The following HSF2BP variants were observed in gnomAD, a reference collection of about 807,000 sequenced individuals.
HSF2BP encodes heat shock transcription factor 2 binding protein.
A neutral mutation model predicts 35.0 loss-of-function variants in HSF2BP; 35 were observed. That is an observed-to-expected ratio of 1.00 (90% confidence interval 0.76 to 1.32). The LOEUF is 1.32. Ranked by LOEUF, HSF2BP falls within the 40% of genes most tolerant of loss-of-function variation. HSF2BP has a pLI of 0.00. For missense variants in HSF2BP, 326 were observed against 321.7 expected (o/e 1.01, Z -0.10); for synonymous variants, 114 against 117.4 (o/e 0.97, Z 0.18).
chr21:43,658,274 G>A lies in HSF2BP; in HGVS notation c.-178C>T, dbSNP rs2082908979. ...GAGAGCGAGGAGTGGCCTTGGCGAGGTCCCTCTTTGGCTCTTCTGGCTTAG... is the reference window on the plus strand; with the variant it reads ...GAGAGCGAGGAGTGGCCTTGGCGAGATCCCTCTTTGGCTCTTCTGGCTTAG... On this transcript the variant is annotated 5_prime_UTR_variant, in exon 2 of 9. Transcript: ENST00000291560. 1 of 687,120 alleles carries A rather than the reference G, an allele frequency of 1.5e-6. No homozygotes were observed. The highest frequency in any genetic ancestry group is 3.3e-5 in the Admixed American group (1 of 29,912). 42.6% of individuals were successfully genotyped at this position (687,120 alleles called of 1,614,324 possible).
At position 43,621,809 on chromosome 21, in the gene HSF2BP, A is replaced by C. The variant is rs990976502; in HGVS notation, c.575-7862T>G. Among the ~76,000 whole-genome samples the C allele has an allele frequency of 3.9e-5, 6 of 151,982 alleles. No individual in the cohort carries two copies. The South Asian group carries it at 6.2e-4, about 16-fold the overall frequency. ...AAATTGAGGGTATAAAACCCACTGG[A>C]AAAAGAAATACTTAAATAATATATA... On this transcript the variant is annotated intron_variant, in intron 6 of 8. Coordinates refer to ENST00000291560, the MANE Select transcript of HSF2BP (RefSeq NM_007031.2).
chr21:43,618,746 C>G (rs1238452848), intron 6 of HSF2BP, among the ~76,000 whole-genome samples: 1 of 150,196 alleles, frequency 6.7e-6, no homozygotes, highest in African/African-American at 2.5e-5. Context: ...ACCATCCTGG[C>G]TAGTATGGTG....
rs1012700556 is a variant in HSF2BP at position 43,597,526 on chromosome 21, C to CT, written c.693-5199dup. Among the ~76,000 whole-genome samples the CT allele has an allele frequency of 3.6e-4, 54 of 151,864 alleles. No individual in the cohort carries two copies. The highest frequency in any genetic ancestry group is 6.3e-4 in the Non-Finnish European group (43 of 67,980). On this transcript the variant is annotated intron_variant, in intron 7 of 8. Coordinates refer to ENST00000291560, the MANE Select transcript of HSF2BP (RefSeq NM_007031.2). This position sits in a 1 kb window ranked among gnomAD's most constrained non-coding sequence, Gnocchi z 4.3. ...TAATAAGCAAAACTTTAATTTTTTACTTTTTTTTCCTAGAGCTAGGGTCTC... is the reference window on the plus strand; with the variant it reads ...TAATAAGCAAAACTTTAATTTTTTACTTTTTTTTTCCTAGAGCTAGGGTCTC...
At chr21:43,596,904 A>AAAGAGAG (rs1555859800) in intron 7 of HSF2BP, among the ~76,000 whole-genome samples, 2 of 136,014 alleles carry the variant, frequency 1.5e-5, no homozygotes, top group African/African-American at 5.6e-5. Flanking sequence ...AAAAAAAAAA[A>AAAGAGAG]AGAGAATTTT....
intron 1 of HSF2BP, among the ~76,000 whole-genome samples, chr21:43,658,872 G>T (rs1332469075): frequency 6.6e-6 from 1 of 152,238 alleles, no homozygotes; most frequent in Non-Finnish European, 1.5e-5. Flanking sequence ...CGCTCAACAG[G>T]CCCCAGTGCC....
chr21:43,615,845 T>G (rs1271408218), intron 6 of HSF2BP, among the ~76,000 whole-genome samples: 1 of 152,064 alleles, frequency 6.6e-6, no homozygotes, highest in African/African-American at 2.4e-5. Context: ...GAAAGCATTA[T>G]TCATGTAAAT....
At position 43,592,394 on chromosome 21, in the gene HSF2BP, T is replaced by C. The variant is rs1027491285; in HGVS notation, c.693-66A>G. ...CACTACATTTCACCCTAAACATACC[T>C]ACTAGTTAAGAGGAACTTAACGTAT... is the stretch of plus-strand genomic sequence containing the variant. On this transcript the variant is annotated intron_variant, in intron 7 of 8. Transcript: ENST00000291560. 14 of 1,032,092 alleles carry C rather than the reference T, an allele frequency of 1.4e-5. No homozygotes were observed. In the South Asian group the frequency reaches 1.8e-4, roughly 13 times the overall value. The allele number at this position is 1,032,092 out of a possible 1,614,324, so 63.9% of individuals were successfully genotyped here.
At chr21:43,587,054 C>T (rs2081860368) in intron 8 of HSF2BP, among the ~76,000 whole-genome samples, 1 of 152,166 alleles carries the variant, frequency 6.6e-6, no homozygotes, top group African/African-American at 2.4e-5. Flanking sequence ...ATTCTAGATT[C>T]TGAAAACAGT....
chr21:43,632,368 A>T (rs2082487909), intron 5 of HSF2BP, among the ~76,000 whole-genome samples: 1 of 49,912 alleles, frequency 2.0e-5, no homozygotes, highest in Non-Finnish European at 3.5e-5. Flanking sequence ...ACGCTCCCAC[A>T]CACACACGCT....
chr21:43,602,288 C>T (rs866964669), intron 7 of HSF2BP, among the ~76,000 whole-genome samples: 1 of 152,220 alleles, frequency 6.6e-6, no homozygotes, highest in Non-Finnish European at 1.5e-5. Flanking sequence ...GAAGCATCTT[C>T]GAAAAATGCA....
At chr21:43,626,901 T>C (rs1164608013) in intron 6 of HSF2BP, among the ~76,000 whole-genome samples, 1 of 151,578 alleles carries the variant, frequency 6.6e-6, no homozygotes, top group Non-Finnish European at 1.5e-5. Flanking sequence ...GGAGTCTTGC[T>C]CTGTCACCCA....
rs527446943 is a variant in HSF2BP, at chr21:43,657,973, C to T, written c.36+88G>A. ...TTCCCCCAAGCACGCGACAGCGAGCCGTCTCCGAGCGCACGGGGCGAGGCC... is the reference window on the plus strand; with the variant it reads ...TTCCCCCAAGCACGCGACAGCGAGCTGTCTCCGAGCGCACGGGGCGAGGCC... On this transcript the variant is annotated intron_variant, in intron 2 of 8. Transcript: ENST00000291560. The T allele has an allele frequency of 9.2e-6, 14 of 1,526,668 alleles. No homozygotes were observed. In the South Asian group the frequency reaches 1.6e-4, roughly 17 times the overall value. The allele number at this position is 1,526,668 out of a possible 1,614,324, so 94.6% of individuals were successfully genotyped here.
Position 43,598,989 on chromosome 21 carries a change from G to A in HSF2BP, c.693-6661C>T, listed in dbSNP as rs565266735. Reference sequence around the variant, plus strand: ...AAATATTTTCTGTCTGACACTTTACGGAAAAAGTTTGCTGACCTCTGCCTT... The same window carrying A: ...AAATATTTTCTGTCTGACACTTTACAGAAAAAGTTTGCTGACCTCTGCCTT... On this transcript the variant is annotated intron_variant, in intron 7 of 8. Transcript: ENST00000291560. 3.0e-4 allele frequency among the ~76,000 whole-genome samples: 46 copies of A among 152,186 alleles called. 2 individuals carry two copies. The South Asian group carries it at 8.5e-3, about 28-fold the overall frequency.
intron 1 of HSF2BP, among the ~76,000 whole-genome samples, chr21:43,658,686 C>T (rs906478206): frequency 6.6e-6 from 1 of 152,244 alleles, no homozygotes; most frequent in African/African-American, 2.4e-5. Flanking sequence ...AAGATTTCTT[C>T]CCTCTCTGGA....
At chr21:43,607,484 C>A (rs2082149603) in intron 7 of HSF2BP, among the ~76,000 whole-genome samples, 1 of 152,112 alleles carries the variant, frequency 6.6e-6, no homozygotes, top group Admixed American at 6.5e-5. Flanking sequence ...TGTTCATGGA[C>A]TGGAAGAATC....
chr21:43,640,670 TCACCA>T (rs2082623892), intron 4 of HSF2BP, among the ~76,000 whole-genome samples: 1 of 152,204 alleles, frequency 6.6e-6, no homozygotes, highest in Non-Finnish European at 1.5e-5. Flanking sequence ...ACGCAAGATA[TCACCA>T]CTAGGGAAAA....
chr21:43,606,384 G>A (rs975036172), intron 7 of HSF2BP, among the ~76,000 whole-genome samples: 13 of 152,202 alleles, frequency 8.5e-5, no homozygotes, highest in African/African-American at 3.1e-4. Context: ...CACTGGGGCT[G>A]GGTGAGCTGG....
At position 43,613,906 on chromosome 21, in the gene HSF2BP, A is replaced by G. The variant is rs1370059955; in HGVS notation, c.616T>C (p.Ser206Pro). 6.2e-7 allele frequency: 1 copy of G among 1,610,200 alleles called. No homozygotes were observed. The highest frequency in any genetic ancestry group is 8.5e-7 in the Non-Finnish European group (1 of 1,179,226). The change falls in exon 7 of 9, where the codon TCA becomes CCA. Residue 206 changes from serine (S) to proline (P), a missense_variant. Physicochemically the swap from Ser to Pro is moderately conservative, Grantham distance 74. Coordinates refer to ENST00000291560, the MANE Select transcript of HSF2BP (RefSeq NM_007031.2). Reference protein sequence around the residue: ...IACGREFLVNSSRVLLDTILQ... With the variant: ...IACGREFLVNPSRVLLDTILQ... ...ATGGTGTCCAAGAGCACCCGGCTTG[A>G]ATTAACCAAGAATTCACGACCACAT... is the stretch of plus-strand genomic sequence containing the variant.
chr21:43,575,618 AAC>A (rs1447095063), intron 8 of HSF2BP, among the ~76,000 whole-genome samples: 2 of 152,260 alleles, frequency 1.3e-5, no homozygotes, highest in African/African-American at 4.8e-5. Context: ...AAGAAAATGA[AAC>A]ACACTACTGT....
Sources: allele counts gnomAD v4.1 joint callset (sites outside exome capture counted in the v4.1 genomes callset), GRCh38; gene constraint gnomAD v4.1.1; non-coding constraint Gnocchi (gnomAD v3.1); transcripts MANE v1.5; gene names NCBI Gene and HGNC (gene_info 2026-07-23, HGNC 2026-07-21).